ARMC10: variants seen among roughly 807,000 people sequenced by gnomAD.
ARMC10 encodes armadillo repeat-containing protein 10.
Under a neutral mutation model 30.2 loss-of-function variants are expected in ARMC10, and 23 were observed. The observed-to-expected ratio is 0.76, with a 90% confidence interval of 0.55 to 1.08. The LOEUF is 1.08. Ranked by LOEUF, ARMC10 falls within the 50% of genes least tolerant of loss-of-function variation. ARMC10 has a pLI of 0.00. For missense variants in ARMC10, 303 were observed against 413.7 expected (o/e 0.73, Z 2.32); for synonymous variants, 111 against 164.4 (o/e 0.68, Z 2.48).
intron 4 of ARMC10, chr7:103,088,770 GCCAA>G (rs1404636333): frequency 1.1e-5 from 2 of 184,242 alleles, no homozygotes; most frequent in Non-Finnish European, 2.5e-5. Context: ...ACAGGTTTCA[GCCAA>G]CCAATTTCCA....
intron 1 of ARMC10, 127 bp from the exon 2 acceptor site, chr7:103,075,650 C>T (rs894160936): frequency 2.2e-6 from 2 of 909,916 alleles, no homozygotes; most frequent in African/African-American, 3.4e-5. Flanking sequence ...GATTAGATTT[C>T]TTAAAAACCT....
chr7:103,076,309 C>T (rs909351184), intron 2 of ARMC10, among the ~76,000 whole-genome samples: 1 of 152,148 alleles, frequency 6.6e-6, no homozygotes, highest in South Asian at 2.1e-4. Flanking sequence ...CCTGAATTTA[C>T]TGGTAATTGG....
At chr7:103,087,046 C>T (rs758809999) in intron 4 of ARMC10, 9 of 617,016 alleles carry the variant, frequency 1.5e-5, no homozygotes, top group Admixed American at 4.1e-5. Flanking sequence ...GCTATAGGCA[C>T]CAACCAAATA....
rs201453580 is a variant in ARMC10, at chr7:103,087,733, T to TA, written c.528+971dup. ...TGTTGATGGCAAGATTTGTAAGAGGTAATCTCTGTATTTAGTTTAGATAAA... is the reference window on the plus strand; with the variant it reads ...TGTTGATGGCAAGATTTGTAAGAGGTAAATCTCTGTATTTAGTTTAGATAAA... On this transcript the variant is annotated intron_variant, in intron 4 of 6. Coordinates refer to ENST00000323716, the MANE Select transcript of ARMC10 (RefSeq NM_031905.5). The TA allele has an allele frequency of 8.4e-4, 820 of 974,370 alleles. 6 individuals are homozygous for TA. The African/African-American group carries it at 0.014, about 17-fold the overall frequency. The allele number at this position is 974,370 out of a possible 1,614,324, so 60.4% of individuals were successfully genotyped here.
At chr7:103,075,524 G>A in intron 1 of ARMC10, 113 bp downstream of exon 1, 2 of 1,122,166 alleles carry the variant, frequency 1.8e-6, no homozygotes, top group Non-Finnish European at 2.3e-6. Flanking sequence ...GCTAGAGGGA[G>A]AGGCAGTACT....
chr7:103,075,205 G>C lies in ARMC10; in HGVS notation c.-68G>C, dbSNP rs1237991831. 2.7e-6 allele frequency: 3 copies of C among 1,099,248 alleles called. No homozygotes were observed. In the East Asian group the frequency reaches 1.6e-4, roughly 58 times the overall value. 68.1% of individuals were successfully genotyped at this position (1,099,248 alleles called of 1,614,324 possible). A position where few individuals can be genotyped will look rare whatever the true frequency, so the allele number is the denominator to read the frequency against. On this transcript the variant is annotated 5_prime_UTR_variant, in exon 1 of 7. Coordinates refer to ENST00000323716, the MANE Select transcript of ARMC10 (RefSeq NM_031905.5). The stretch of plus-strand genomic sequence containing the variant: ...GGCGGCTAGGCCCGCGTGCGCTGGA[G>C]ACCTCCGCGCTGGCCCCCGCGAGCC...
At chr7:103,076,923 C>T (rs755812710) in intron 2 of ARMC10, among the ~76,000 whole-genome samples, 1 of 152,204 alleles carries the variant, frequency 6.6e-6, no homozygotes, top group Admixed American at 6.5e-5. Context: ...GGGACTCCCT[C>T]TGTCACCCAG....
chr7:103,087,222 G>C (rs1158450767), intron 4 of ARMC10, among the ~76,000 whole-genome samples: 1 of 152,210 alleles, frequency 6.6e-6, no homozygotes, highest in African/African-American at 2.4e-5. Flanking sequence ...TGTACTGTAT[G>C]AGTGTATTGC....
Position 103,088,483 on chromosome 7 carries a change from T to TA in ARMC10, c.528+1728dup, listed in dbSNP as rs1200831316. 1.2e-4 allele frequency among the ~76,000 whole-genome samples: 18 copies of TA among 151,558 alleles called. No individual in the cohort carries two copies. The East Asian group carries it at 2.5e-3, about 21-fold the overall frequency. On this transcript the variant is annotated intron_variant, in intron 4 of 6. Transcript: ENST00000323716. ...AGATTTCCTGATTTGAAATAGAAGGTAAAAAAAAATATTGCCAGCCATAAA... is the reference window on the plus strand; with the variant it reads ...AGATTTCCTGATTTGAAATAGAAGGTAAAAAAAAAATATTGCCAGCCATAAA...
At chr7:103,083,378 G>C (rs1457124957) in intron 2 of ARMC10, among the ~76,000 whole-genome samples, 1 of 152,174 alleles carries the variant, frequency 6.6e-6, no homozygotes, top group Non-Finnish European at 1.5e-5. Flanking sequence ...CACCACTTTG[G>C]GAGGCCAAGG....
chr7:103,079,614 T>C (rs969082029), intron 2 of ARMC10, among the ~76,000 whole-genome samples: 2 of 152,198 alleles, frequency 1.3e-5, no homozygotes, highest in East Asian at 3.9e-4. Context: ...GTAGGTGGCA[T>C]AATGATTTAC....
At chr7:103,084,487 T>C (rs77702418) in intron 3 of ARMC10, among the ~76,000 whole-genome samples, 2 of 152,374 alleles carry the variant, frequency 1.3e-5, no homozygotes, top group East Asian at 3.9e-4. Context: ...TGTAAAGCTC[T>C]ATAAACGTAT....
At chr7:103,084,335 C>G (rs1311122924) in intron 3 of ARMC10, among the ~76,000 whole-genome samples, 2 of 152,288 alleles carry the variant, frequency 1.3e-5, no homozygotes, top group South Asian at 2.1e-4. Context: ...TCCTCACAAC[C>G]CTCCAGCATG....
chr7:103,097,479 T>C (rs1801850986), intron 6 of ARMC10, 131 bp downstream of exon 6: 4 of 572,028 alleles, frequency 7.0e-6, no homozygotes, highest in Non-Finnish European at 8.3e-6. Flanking sequence ...AGGTGGTTTT[T>C]TAAATTCATT....
At chr7:103,093,886 C>T (rs1311066922) in intron 5 of ARMC10, among the ~76,000 whole-genome samples, 1 of 152,310 alleles carries the variant, frequency 6.6e-6, no homozygotes, top group African/African-American at 2.4e-5. Context: ...ATGACCCAGA[C>T]CACAATAGTA....
At chr7:103,082,376 T>G (rs903200762) in intron 2 of ARMC10, among the ~76,000 whole-genome samples, 5 of 148,766 alleles carry the variant, frequency 3.4e-5, no homozygotes, top group Non-Finnish European at 5.9e-5. Context: ...CTTAGTTATT[T>G]TAGTTACAGA....
chr7:103,092,426 T>C (rs1180294966), intron 4 of ARMC10, 51 bp from the exon 5 acceptor site: 8 of 1,440,288 alleles, frequency 5.6e-6, no homozygotes, highest in African/African-American at 4.2e-5. Context: ...GGCTGTTCAG[T>C]AGAAAAATTT....
intron 5 of ARMC10, chr7:103,096,174 G>C (rs1301379242): frequency 6.6e-6 from 1 of 152,180 alleles, no homozygotes; most frequent in Non-Finnish European, 1.5e-5. Context: ...ATTTTAGCTA[G>C]TCACCCATTA....
At chr7:103,085,783 T>C (rs1800794527) in intron 3 of ARMC10, among the ~76,000 whole-genome samples, 1 of 151,900 alleles carries the variant, frequency 6.6e-6, no homozygotes. Flanking sequence ...CCTGGCTAAT[T>C]TTTGTATTTT....
Sources: gnomAD v4.1 joint callset for allele counts (sites outside exome capture counted in the v4.1 genomes callset) on GRCh38, gnomAD v4.1.1 for gene constraint, MANE v1.5 for transcripts, NCBI Gene and HGNC (gene_info 2026-07-23, HGNC 2026-07-21) for gene names.